The following TMEM132D variants were observed in gnomAD, a reference collection of about 807,000 sequenced individuals.
TMEM132D encodes the protein mature OL transmembrane protein.
Under a neutral mutation model 62.3 loss-of-function variants are expected in TMEM132D, and 21 were observed. The observed-to-expected ratio is 0.34, with a 90% CI of 0.24 to 0.49. The LOEUF is 0.49. Among genes scored for constraint, TMEM132D ranks in the 20% least tolerant of loss-of-function variants. The pLI is 0.99. For missense variants in TMEM132D, 1,346 were observed against 1,402.8 expected (o/e 0.96, Z 0.65); for synonymous variants, 621 against 575.6 (o/e 1.08, Z -1.13).
chr12:129,849,931 G>A (rs989347806), intron 1 of TMEM132D, among the ~76,000 whole-genome samples: 1 of 152,302 alleles, frequency 6.6e-6, no homozygotes, highest in South Asian at 2.1e-4. Context: ...ACCTCAGCCT[G>A]CCTGTCTTGT....
intron 1 of TMEM132D, among the ~76,000 whole-genome samples, chr12:129,854,394 C>G (rs73440453): frequency 0.019 from 2,827 of 152,244 alleles, 86 homozygotes; most frequent in African/African-American, 0.066. Flanking sequence ...GATTCAGCCC[C>G]AGAACTCGGC....
chr12:129,086,209 T>C (rs895423399), intron 5 of TMEM132D, among the ~76,000 whole-genome samples: 57 of 151,722 alleles, frequency 3.8e-4, no homozygotes, highest in African/African-American at 8.2e-4. Flanking sequence ...CGCGTGTGTG[T>C]GTGTGTGTGT....
At chr12:129,451,026 T>G (rs1460044321) in intron 3 of TMEM132D, among the ~76,000 whole-genome samples, 1 of 152,036 alleles carries the variant, frequency 6.6e-6, no homozygotes, top group Non-Finnish European at 1.5e-5. Flanking sequence ...CCTCCCAAAG[T>G]GCTGGGATTA....
intron 3 of TMEM132D, among the ~76,000 whole-genome samples, chr12:129,346,807 C>A (rs532983803): frequency 6.6e-6 from 1 of 152,038 alleles, no homozygotes; most frequent in South Asian, 2.1e-4. Context: ...TTTAGAAAAC[C>A]CCATTGTCTC....
At chr12:129,440,526 G>A (rs377534594) in intron 3 of TMEM132D, among the ~76,000 whole-genome samples, 2 of 152,236 alleles carry the variant, frequency 1.3e-5, no homozygotes, top group African/African-American at 4.8e-5. Context: ...CTCTAGGCTC[G>A]GTGACCTAAG....
intron 4 of TMEM132D, among the ~76,000 whole-genome samples, chr12:129,293,404 C>T (rs1251968748): frequency 2.0e-5 from 3 of 152,106 alleles, no homozygotes; most frequent in Non-Finnish European, 4.4e-5. Context: ...GGGCAGCAGT[C>T]CCCAGCCTTT....
intron 1 of TMEM132D, among the ~76,000 whole-genome samples, chr12:129,812,877 ATG>A (rs1435523747): frequency 6.6e-6 from 1 of 151,624 alleles, no homozygotes; most frequent in Admixed American, 6.6e-5. Flanking sequence ...CACCTCTCAA[ATG>A]TGTGTCCCTA....
intron 5 of TMEM132D, among the ~76,000 whole-genome samples, chr12:129,125,924 CAG>C (rs1876199103): frequency 6.6e-6 from 1 of 152,152 alleles, no homozygotes; most frequent in Non-Finnish European, 1.5e-5. Context: ...CCTCTTGAAA[CAG>C]AGTAAACAGG....
intron 1 of TMEM132D, among the ~76,000 whole-genome samples, chr12:129,777,014 C>T (rs1419701841): frequency 6.6e-6 from 1 of 152,138 alleles, no homozygotes; most frequent in African/African-American, 2.4e-5. Context: ...TAAATATCTG[C>T]ACCATATATG....
chr12:129,637,548 C>T (rs184157404), intron 2 of TMEM132D, among the ~76,000 whole-genome samples: 20 of 152,286 alleles, frequency 1.3e-4, no homozygotes, highest in Non-Finnish European at 2.5e-4. Context: ...CCCCCACCCC[C>T]TTCCTCCTGG....
At chr12:129,668,642 C>T (rs1338518742) in intron 2 of TMEM132D, among the ~76,000 whole-genome samples, 2 of 152,140 alleles carry the variant, frequency 1.3e-5, no homozygotes, top group Non-Finnish European at 1.5e-5. Flanking sequence ...GTAAAATATA[C>T]CCCTGTGAAC....
intron 3 of TMEM132D, among the ~76,000 whole-genome samples, chr12:129,517,766 C>T (rs982319699): frequency 3.3e-5 from 5 of 152,106 alleles, no homozygotes; most frequent in Admixed American, 2.6e-4. Flanking sequence ...AAGGTCATTC[C>T]AAAATTAGTT....
At chr12:129,615,314 A>G (rs1223347162) in intron 2 of TMEM132D, among the ~76,000 whole-genome samples, 2 of 152,158 alleles carry the variant, frequency 1.3e-5, no homozygotes, top group African/African-American at 4.8e-5. Context: ...ATCTTCCGTC[A>G]AGCTCACTTC....
chr12:129,079,188 C>T lies in TMEM132D; in HGVS notation c.1924-463G>A, dbSNP rs116955854. Among the ~76,000 whole-genome samples, 17 of 152,292 alleles carry T rather than the reference C, an allele frequency of 1.1e-4. No homozygotes were observed. The East Asian group carries it at 1.9e-3, about 17-fold the overall frequency. Reference sequence around the variant, plus strand: ...GTACTGGTTACATATTGATAGCTTTCGCTCTTGCACATAAAAACCAATGTG... The same window carrying T: ...GTACTGGTTACATATTGATAGCTTTTGCTCTTGCACATAAAAACCAATGTG... On this transcript the variant is annotated intron_variant, in intron 7 of 8. Transcript: ENST00000422113.
intron 2 of TMEM132D, among the ~76,000 whole-genome samples, chr12:129,692,729 T>C (rs914934388): frequency 6.6e-6 from 1 of 152,092 alleles, no homozygotes; most frequent in African/African-American, 2.4e-5. Flanking sequence ...CCATTATCCT[T>C]AGCAAACTAA....
intron 3 of TMEM132D, among the ~76,000 whole-genome samples, chr12:129,369,447 G>T (rs1870527906): frequency 6.6e-6 from 1 of 152,138 alleles, no homozygotes; most frequent in Non-Finnish European, 1.5e-5. Context: ...AGTGGATTAG[G>T]TAGGAATCAT....
intron 2 of TMEM132D, among the ~76,000 whole-genome samples, chr12:129,656,547 A>T (rs962671270): frequency 6.6e-6 from 1 of 152,158 alleles, no homozygotes; most frequent in African/African-American, 2.4e-5. Context: ...TTACACCTAT[A>T]CTAGGTGTGG....
At chr12:129,458,253 A>G (rs545800060) in intron 3 of TMEM132D, among the ~76,000 whole-genome samples, 2 of 152,306 alleles carry the variant, frequency 1.3e-5, no homozygotes, top group African/African-American at 2.4e-5. Context: ...CAACAACAAT[A>G]AAAGGAGCAA....
intron 5 of TMEM132D, among the ~76,000 whole-genome samples, chr12:129,180,967 A>G (rs1006488827): frequency 6.6e-6 from 1 of 152,018 alleles, no homozygotes; most frequent in Non-Finnish European, 1.5e-5. Context: ...ACAGGGGTAG[A>G]GCATGATTCG....
Sources: allele counts gnomAD v4.1 joint callset (sites outside exome capture counted in the v4.1 genomes callset), GRCh38; gene constraint gnomAD v4.1.1; transcripts MANE v1.5; gene names NCBI Gene and HGNC (gene_info 2026-07-23, HGNC 2026-07-21).